EYA3: variants seen among roughly 807,000 people sequenced by gnomAD.
EYA3 encodes the protein protein phosphatase EYA3.
EYA3 carries 39 observed loss-of-function variants against 80.0 expected under a neutral mutation model. That is an observed-to-expected ratio of 0.49 (90% CI 0.38 to 0.64). The LOEUF is 0.64. Among genes scored for constraint, EYA3 ranks in the 30% least tolerant of loss-of-function variants. The pLI, the probability that EYA3 is intolerant of heterozygous loss-of-function variation, is 0.00. For missense variants in EYA3, 523 were observed against 676.1 expected (o/e 0.77, Z 2.51); for synonymous variants, 206 against 232.8 (o/e 0.88, Z 1.05).
chr1:28,072,510 C>T (rs898458298), intron 1 of EYA3, among the ~76,000 whole-genome samples: 1 of 151,872 alleles, frequency 6.6e-6, no homozygotes, highest in African/African-American at 2.4e-5. Flanking sequence ...CACACACTTA[C>T]TAGAATGTCT....
chr1:28,035,466 G>C (rs527581388), intron 6 of EYA3, 78 bp downstream of exon 6: 34 of 1,501,602 alleles, frequency 2.3e-5, no homozygotes, highest in Non-Finnish European at 2.9e-5. Context: ...GCTTTGTAAA[G>C]AATGATGCAT....
At chr1:28,077,102 ATCTT>A (rs1318635405) in intron 1 of EYA3, among the ~76,000 whole-genome samples, 1 of 136,758 alleles carries the variant, frequency 7.3e-6, no homozygotes, top group African/African-American at 2.7e-5. Flanking sequence ...TTACAAAACA[ATCTT>A]TTTTTTTTTT....
intron 10 of EYA3, among the ~76,000 whole-genome samples, chr1:28,005,156 G>C (rs1641176758): frequency 1.3e-5 from 2 of 152,170 alleles, no homozygotes; most frequent in South Asian, 2.1e-4. Context: ...ACAAAATCCG[G>C]TAAGAGCTAT....
At chr1:28,029,552 T>A (rs2148830387) in intron 6 of EYA3, among the ~76,000 whole-genome samples, 1 of 152,048 alleles carries the variant, frequency 6.6e-6, no homozygotes, top group South Asian at 2.1e-4. Flanking sequence ...GTTTTGGTGA[T>A]AATTTTGGCT....
chr1:28,051,425 C>G (rs756758694), intron 2 of EYA3, among the ~76,000 whole-genome samples: 1 of 152,030 alleles, frequency 6.6e-6, no homozygotes, highest in Non-Finnish European at 1.5e-5. Flanking sequence ...CAGTGGCTCA[C>G]GCTTCTAATC....
chr1:28,000,602 G>A (rs1043287205), intron 11 of EYA3, among the ~76,000 whole-genome samples: 4 of 146,302 alleles, frequency 2.7e-5, no homozygotes, highest in East Asian at 2.3e-4. Context: ...GTGAGCCACC[G>A]CACCTGGCCA....
intron 3 of EYA3, 46 bp downstream of exon 3, chr1:28,048,336 AC>A: frequency 4.1e-6 from 6 of 1,466,816 alleles, no homozygotes; most frequent in Non-Finnish European, 3.7e-6. Context: ...AAAAAAAAAA[AC>A]AAAACTTATG....
At chr1:27,998,894 G>C (rs1640636152) in intron 12 of EYA3, among the ~76,000 whole-genome samples, 1 of 152,122 alleles carries the variant, frequency 6.6e-6, no homozygotes, top group Non-Finnish European at 1.5e-5. Context: ...TCAGCCTCCT[G>C]AGTAGCTGGG....
intron 1 of EYA3, among the ~76,000 whole-genome samples, chr1:28,074,986 T>A (rs992823041): frequency 6.6e-6 from 1 of 152,216 alleles, no homozygotes; most frequent in African/African-American, 2.4e-5. Flanking sequence ...AGCTAATGAC[T>A]GGGCAGAGAC....
At chr1:28,015,463 A>G (rs1398924121) in intron 8 of EYA3, among the ~76,000 whole-genome samples, 1 of 152,190 alleles carries the variant, frequency 6.6e-6, no homozygotes, top group Non-Finnish European at 1.5e-5. Context: ...CGGGAGGCGG[A>G]GCTTGCAGTG....
At chr1:27,993,614 T>A (rs1640224693) in intron 13 of EYA3, 54 bp from the exon 14 acceptor site, 1 of 1,469,036 alleles carries the variant, frequency 6.8e-7, no homozygotes, top group Admixed American at 2.6e-5. Flanking sequence ...AAAGTTTTTG[T>A]TTGAGTGCTA....
At chr1:28,050,246 G>A (rs1041209944) in intron 2 of EYA3, among the ~76,000 whole-genome samples, 2 of 148,616 alleles carry the variant, frequency 1.3e-5, no homozygotes, top group Non-Finnish European at 3.0e-5. Flanking sequence ...AGGCTGGAGT[G>A]CCATGGCGTA....
intron 16 of EYA3, among the ~76,000 whole-genome samples, chr1:27,983,129 G>T (rs1157410291): frequency 6.6e-6 from 1 of 152,038 alleles, no homozygotes; most frequent in Non-Finnish European, 1.5e-5. Context: ...TATATTTTAG[G>T]CTTTGCAGGC....
intron 6 of EYA3, among the ~76,000 whole-genome samples, chr1:28,029,785 G>A (rs1643016752): frequency 6.6e-6 from 1 of 151,692 alleles, no homozygotes; most frequent in Non-Finnish European, 1.5e-5. Context: ...AGTAAAGATG[G>A]GGTTTCACTA....
At chr1:28,027,719 A>G in intron 7 of EYA3, 70 bp downstream of exon 7, 1 of 1,590,296 alleles carries the variant, frequency 6.3e-7, no homozygotes. Flanking sequence ...TTGTTTGGAG[A>G]TACAGGTAGA....
intron 1 of EYA3, among the ~76,000 whole-genome samples, chr1:28,081,093 C>T (rs1645410502): frequency 6.6e-6 from 1 of 152,092 alleles, no homozygotes; most frequent in South Asian, 2.1e-4. Flanking sequence ...ATAAGCAAGC[C>T]TCTGAAAGAG....
At position 28,035,475 on chromosome 1, in the gene EYA3, A is replaced by G. The variant is rs540597061; in HGVS notation, c.361+69T>C. ...CTAAGTGCTTTGTAAAGAATGATGC[A>G]TGGCTGATCAAAGTTTCTGCGGAAT... On this transcript the variant is annotated intron_variant, in intron 6 of 17. Transcript: ENST00000373871. 1.7e-5 allele frequency: 27 copies of G among 1,562,480 alleles called. 1 individual carries two copies. The South Asian group carries it at 3.0e-4, about 18-fold the overall frequency.
intron 3 of EYA3, among the ~76,000 whole-genome samples, chr1:28,043,579 T>C (rs1186161546): frequency 1.3e-5 from 2 of 152,152 alleles, no homozygotes; most frequent in Non-Finnish European, 1.5e-5. Context: ...GGCTTACACC[T>C]GTAATCCCAG....
intron 6 of EYA3, 33 bp from the exon 7 acceptor site, chr1:28,027,959 A>G: frequency 6.2e-7 from 1 of 1,613,298 alleles, no homozygotes; most frequent in South Asian, 1.1e-5. Flanking sequence ...ATTACAAACA[A>G]TACACTGGGA....
Sources: gnomAD v4.1 joint callset for allele counts (sites outside exome capture counted in the v4.1 genomes callset) on GRCh38, gnomAD v4.1.1 for gene constraint, MANE v1.5 for transcripts, NCBI Gene and HGNC (gene_info 2026-07-23, HGNC 2026-07-21) for gene names.